Variants in ANKFN1 observed in about 807,000 individuals in gnomAD.
The protein encoded by ANKFN1 is ankyrin repeat and fibronectin type III domain containing 1.
Under a neutral mutation model 108.7 loss-of-function variants are expected in ANKFN1, and 74 were observed. That is an observed-to-expected ratio of 0.68 (90% CI 0.56 to 0.83). ANKFN1 has a LOEUF of 0.83. ANKFN1 is among the 40% of genes least tolerant of loss of function. The pLI is 0.00. For synonymous variants in ANKFN1, 547 were observed against 516.2 expected (o/e 1.06, Z -0.81); for missense variants, 1,505 against 1,382.3 (o/e 1.09, Z -1.41).
chr17:56,337,440 G>C (rs1014310328), intron 4 of ANKFN1, among the ~76,000 whole-genome samples: 1 of 152,008 alleles, frequency 6.6e-6, no homozygotes, highest in Non-Finnish European at 1.5e-5. Context: ...AAAAGCAATG[G>C]CAACAAAAGC....
intron 15 of ANKFN1, among the ~76,000 whole-genome samples, chr17:56,476,035 A>G (rs911563792): frequency 2.0e-5 from 3 of 152,172 alleles, no homozygotes; most frequent in Non-Finnish European, 4.4e-5. Flanking sequence ...AGAGCGGGAG[A>G]AAGAGAGTGA....
chr17:56,143,599 C>G (rs536222118), intron 4 of ANKFN1, among the ~76,000 whole-genome samples: 2 of 152,082 alleles, frequency 1.3e-5, no homozygotes, highest in Non-Finnish European at 2.9e-5. Context: ...ACCCTAAGCC[C>G]CATTACTTTA....
chr17:56,105,569 A>C (rs1014197685), intron 4 of ANKFN1, among the ~76,000 whole-genome samples: 3 of 136,260 alleles, frequency 2.2e-5, no homozygotes, highest in South Asian at 2.4e-4. Flanking sequence ...TCCTCTCTCT[A>C]TTTCTTCCTT....
intron 7 of ANKFN1, among the ~76,000 whole-genome samples, chr17:56,373,389 C>T (rs996283878): frequency 4.6e-5 from 7 of 152,162 alleles, no homozygotes; most frequent in African/African-American, 1.7e-4. Flanking sequence ...TTAAGAAAAG[C>T]CTTCTTTTTG....
chr17:56,218,824 A>G (rs1915630908), intron 2 of ANKFN1, among the ~76,000 whole-genome samples: 1 of 152,214 alleles, frequency 6.6e-6, no homozygotes, highest in Admixed American at 6.5e-5. Flanking sequence ...CCATAAAAAG[A>G]TTTCTTGATC....
chr17:56,397,364 A>G (rs781396137), intron 8 of ANKFN1, among the ~76,000 whole-genome samples: 6 of 152,212 alleles, frequency 3.9e-5, no homozygotes, highest in Non-Finnish European at 7.3e-5. Context: ...ACCAATCAAT[A>G]GAAATAATTC....
intron 4 of ANKFN1, among the ~76,000 whole-genome samples, chr17:56,094,207 A>C (rs1274249062): frequency 6.6e-6 from 1 of 151,082 alleles, no homozygotes; most frequent in Non-Finnish European, 1.5e-5. Flanking sequence ...CCACACCTTG[A>C]TTTTGGACTT....
At chr17:56,304,780 G>T (rs1413725283) in intron 3 of ANKFN1, among the ~76,000 whole-genome samples, 1 of 152,070 alleles carries the variant, frequency 6.6e-6, no homozygotes, top group African/African-American at 2.4e-5. Flanking sequence ...GGCTAATGGT[G>T]TTGAGTATAA....
intron 8 of ANKFN1, among the ~76,000 whole-genome samples, chr17:56,407,537 A>G (rs2047957104): frequency 6.6e-6 from 1 of 152,180 alleles, no homozygotes; most frequent in Non-Finnish European, 1.5e-5. Context: ...ATCAGTGTTA[A>G]TACACATTCA....
At chr17:56,319,250 C>A (rs187949692) in intron 3 of ANKFN1, among the ~76,000 whole-genome samples, 1 of 152,276 alleles carries the variant, frequency 6.6e-6, no homozygotes, top group African/African-American at 2.4e-5. Context: ...TGATGGGTAG[C>A]TGTACACATA....
At chr17:56,157,832 G>A (rs907950855) in intron 1 of ANKFN1, among the ~76,000 whole-genome samples, 3 of 152,174 alleles carry the variant, frequency 2.0e-5, no homozygotes, top group South Asian at 2.1e-4. Flanking sequence ...GATTGGATAC[G>A]TGGAATCCGA....
intron 15 of ANKFN1, chr17:56,471,730 C>T (rs2050324204): frequency 6.6e-6 from 1 of 152,190 alleles, no homozygotes; most frequent in Non-Finnish European, 1.5e-5. Flanking sequence ...CACATATGAT[C>T]CATGCTACGA....
intron 4 of ANKFN1, among the ~76,000 whole-genome samples, chr17:56,110,722 C>A (rs1165529604): frequency 1.1e-4 from 17 of 152,200 alleles, no homozygotes; most frequent in Admixed American, 1.1e-3. Context: ...TTCCTTTAAA[C>A]CATGCTGCAG....
chr17:56,386,017 C>A (rs536383719), intron 8 of ANKFN1, among the ~76,000 whole-genome samples: 2,549 of 152,296 alleles, frequency 0.017, 73 homozygotes, highest in African/African-American at 0.059. Context: ...AAGACACATG[C>A]ACGCGTATGT....
At chr17:56,111,936 G>A (rs1905987962) in intron 4 of ANKFN1, among the ~76,000 whole-genome samples, 1 of 152,146 alleles carries the variant, frequency 6.6e-6, no homozygotes, top group Admixed American at 6.5e-5. Flanking sequence ...GTAATCTGAG[G>A]GAGAAATCTA....
At chr17:56,446,817 A>G (rs2049310102) in intron 10 of ANKFN1, among the ~76,000 whole-genome samples, 1 of 152,086 alleles carries the variant, frequency 6.6e-6, no homozygotes, top group South Asian at 2.1e-4. Context: ...AGGCAGGAGA[A>G]TTGCTTGAAC....
chr17:56,148,430 A>G (rs1335124423), intron 4 of ANKFN1, among the ~76,000 whole-genome samples: 2 of 152,208 alleles, frequency 1.3e-5, no homozygotes, highest in Non-Finnish European at 2.9e-5. Context: ...CAGGATTCAC[A>G]TTTGGGTTTG....
intron 10 of ANKFN1, among the ~76,000 whole-genome samples, chr17:56,445,151 C>A (rs1378159834): frequency 6.6e-6 from 1 of 152,150 alleles, no homozygotes; most frequent in Non-Finnish European, 1.5e-5. Context: ...ATAAAAGGAA[C>A]CAATCTCATG....
intron 4 of ANKFN1, among the ~76,000 whole-genome samples, chr17:56,067,243 T>TAC (rs770483070): frequency 8.0e-4 from 122 of 151,900 alleles, no homozygotes; most frequent in Non-Finnish European, 1.3e-3. Flanking sequence ...TATATATATA[T>TAC]ACCACATTTT....
Sources: gnomAD v4.1 joint callset for allele counts (sites outside exome capture counted in the v4.1 genomes callset) on GRCh38, gnomAD v4.1.1 for gene constraint, MANE v1.5 for transcripts, NCBI Gene and HGNC (gene_info 2026-07-23, HGNC 2026-07-21) for gene names.